The following RAD18 variants were observed in gnomAD, a reference collection of about 807,000 sequenced individuals.
The protein encoded by RAD18 is E3 ubiquitin-protein ligase RAD18.
A neutral mutation model predicts 60.4 loss-of-function variants in RAD18; 47 were observed. That is an observed-to-expected ratio of 0.78 (90% CI 0.62 to 0.99). The LOEUF (loss-of-function observed/expected upper bound fraction) is 0.99. RAD18 is among the 50% of genes least tolerant of loss of function. RAD18 has a pLI of 0.00. For synonymous variants in RAD18, 225 were observed against 195.5 expected (o/e 1.15, Z -1.26); for missense variants, 640 against 593.3 (o/e 1.08, Z -0.82).
chr3:8,928,004 A>G (rs1008223699), intron 7 of RAD18, among the ~76,000 whole-genome samples: 2 of 151,492 alleles, frequency 1.3e-5, no homozygotes, highest in African/African-American at 4.9e-5. Context: ...GCACATGTAT[A>G]CATATGTAAC....
intron 12 of RAD18, among the ~76,000 whole-genome samples, chr3:8,888,192 C>G (rs917253897): frequency 6.6e-6 from 1 of 152,220 alleles, no homozygotes; most frequent in Non-Finnish European, 1.5e-5. Flanking sequence ...TGTGGACCTG[C>G]ACGGTGTGCC....
chr3:8,906,640 G>A (rs1940005443), intron 9 of RAD18, among the ~76,000 whole-genome samples: 1 of 151,714 alleles, frequency 6.6e-6, no homozygotes, highest in Admixed American at 6.6e-5. Context: ...TCACAGTCCT[G>A]TGCTACCTGT....
At chr3:8,909,553 C>G (rs1248159550) in intron 9 of RAD18, among the ~76,000 whole-genome samples, 2 of 151,602 alleles carry the variant, frequency 1.3e-5, no homozygotes, top group African/African-American at 4.8e-5. Context: ...GATAAAGAAT[C>G]AGAATGGCAA....
intron 12 of RAD18, 61 bp from the exon 13 acceptor site, chr3:8,881,520 A>T: frequency 7.4e-7 from 1 of 1,343,036 alleles, no homozygotes; most frequent in Non-Finnish European, 1.1e-6. Flanking sequence ...AGCAGTTTCT[A>T]GTTTACAAGT....
intron 2 of RAD18, among the ~76,000 whole-genome samples, chr3:8,958,313 T>A (rs1055151258): frequency 6.6e-6 from 1 of 152,222 alleles, no homozygotes; most frequent in Non-Finnish European, 1.5e-5. Context: ...GAATAACCCA[T>A]AAACTGTATG....
At chr3:8,925,863 C>G (rs1313231050) in intron 7 of RAD18, among the ~76,000 whole-genome samples, 4 of 152,158 alleles carry the variant, frequency 2.6e-5, no homozygotes, top group African/African-American at 4.8e-5. Flanking sequence ...ATTCAACAGC[C>G]CTTCATGCTA....
chr3:8,940,665 A>C lies in RAD18; in HGVS notation c.604+802T>G, dbSNP rs1303920940. ...AAGCTGACATATTCATCAAACAGTT[A>C]AGCAAATGGGATACAAAACAGTCCA... On this transcript the variant is annotated intron_variant, in intron 5 of 12. Coordinates refer to ENST00000264926, the MANE Select transcript of RAD18 (RefSeq NM_020165.4). Among the ~76,000 whole-genome samples, 3 of 152,242 alleles carry C rather than the reference A, an allele frequency of 2.0e-5. No homozygotes were observed. The East Asian group carries it at 5.8e-4, about 29-fold the overall frequency.
rs151215095 is a variant in RAD18 at position 8,906,997 on chromosome 3, G to A, written c.1028-4477C>T. Reference sequence around the variant, plus strand: ...TTTAATTTCACTGTGGTCAGAGAACGTATTTTGCATGCCAAATGAATACTC... The same window carrying A: ...TTTAATTTCACTGTGGTCAGAGAACATATTTTGCATGCCAAATGAATACTC... On this transcript the variant is annotated intron_variant, in intron 9 of 12. Coordinates refer to ENST00000264926, the MANE Select transcript of RAD18 (RefSeq NM_020165.4). 1.7e-3 allele frequency among the ~76,000 whole-genome samples: 263 copies of A among 152,272 alleles called. 2 individuals are homozygous for A. The East Asian group carries it at 0.036, about 21-fold the overall frequency.
At chr3:8,918,539 G>C (rs9869937) in intron 7 of RAD18, among the ~76,000 whole-genome samples, 1 of 152,120 alleles carries the variant, frequency 6.6e-6, no homozygotes, top group Non-Finnish European at 1.5e-5. Context: ...CTGGAAAGTA[G>C]AAAGAGGAAG....
intron 9 of RAD18, 87 bp from the exon 10 acceptor site, chr3:8,902,607 A>C (rs1939933299): frequency 7.5e-7 from 1 of 1,334,616 alleles, no homozygotes; most frequent in Middle Eastern, 2.1e-4. Flanking sequence ...AGAGGTGTAC[A>C]AGGGATGGGC....
intron 7 of RAD18, among the ~76,000 whole-genome samples, chr3:8,917,051 A>G (rs1378041503): frequency 6.6e-6 from 1 of 152,204 alleles, no homozygotes; most frequent in African/African-American, 2.4e-5. Context: ...ATAGACACAA[A>G]GACAAAATCA....
At chr3:8,935,520 C>A (rs1182642929) in intron 7 of RAD18, among the ~76,000 whole-genome samples, 1 of 152,088 alleles carries the variant, frequency 6.6e-6, no homozygotes, top group Non-Finnish European at 1.5e-5. Context: ...AACTGAGGTA[C>A]AGAGATATCA....
At chr3:8,924,166 C>T (rs1940382081) in intron 7 of RAD18, among the ~76,000 whole-genome samples, 2 of 152,002 alleles carry the variant, frequency 1.3e-5, no homozygotes, top group Admixed American at 1.3e-4. Flanking sequence ...TCAGGAAACT[C>T]ATCTCACATG....
chr3:8,938,810 G>C (rs1473572196), intron 6 of RAD18, among the ~76,000 whole-genome samples: 2 of 152,096 alleles, frequency 1.3e-5, no homozygotes, highest in African/African-American at 2.4e-5. Context: ...TTCATCACCA[G>C]ACTCATCTAA....
intron 2 of RAD18, among the ~76,000 whole-genome samples, chr3:8,952,935 G>A (rs1332561696): frequency 6.6e-6 from 1 of 152,030 alleles, no homozygotes; most frequent in African/African-American, 2.4e-5. Flanking sequence ...ATCATAAATT[G>A]AAAATATCAT....
At chr3:8,931,769 C>A (rs1397917217) in intron 7 of RAD18, 1 of 152,098 alleles carries the variant, frequency 6.6e-6, no homozygotes, top group Non-Finnish European at 1.5e-5. Context: ...TTACAGAAAT[C>A]AAGAGTGTGT....
intron 7 of RAD18, among the ~76,000 whole-genome samples, chr3:8,934,735 A>G (rs1940620644): frequency 1.3e-5 from 2 of 152,240 alleles, no homozygotes; most frequent in African/African-American, 4.8e-5. Context: ...TCCAACAGCA[A>G]CATGCACCTA....
intron 9 of RAD18, among the ~76,000 whole-genome samples, chr3:8,906,663 G>GA (rs1940005657): frequency 6.6e-6 from 1 of 150,870 alleles, no homozygotes; most frequent in Non-Finnish European, 1.5e-5. Context: ...CCCATTATCT[G>GA]AAAAACCATT....
At chr3:8,920,805 A>C (rs763543098) in intron 7 of RAD18, among the ~76,000 whole-genome samples, 2 of 152,234 alleles carry the variant, frequency 1.3e-5, no homozygotes, top group Non-Finnish European at 2.9e-5. Context: ...AGGCTGAGGA[A>C]TTATTCTAGA....
Sources: gnomAD v4.1 joint callset for allele counts (sites outside exome capture counted in the v4.1 genomes callset) on GRCh38, gnomAD v4.1.1 for gene constraint, MANE v1.5 for transcripts, NCBI Gene and HGNC (gene_info 2026-07-23, HGNC 2026-07-21) for gene names.